Variants in ZFHX3 observed in about 807,000 individuals in gnomAD.
ZFHX3 encodes the protein zinc finger homeobox protein 3.
In ZFHX3, 42 loss-of-function variants were observed where a neutral mutation model predicts 279.1. That is an observed-to-expected ratio of 0.15 (90% CI 0.12 to 0.19). The LOEUF (loss-of-function observed/expected upper bound fraction) is 0.19. Among genes scored for constraint, ZFHX3 ranks in the 10% least tolerant of loss-of-function variants. The pLI, the probability that ZFHX3 is intolerant of heterozygous loss-of-function variation, is 1.00. For synonymous variants in ZFHX3, 2,293 were observed against 1,957.8 expected (o/e 1.17, Z -4.52); for missense variants, 4,981 against 4,754.0 (o/e 1.05, Z -1.40).
At chr16:73,723,739 AC>A (rs2053495649) in intron 1 of ZFHX3, among the ~76,000 whole-genome samples, 1 of 152,194 alleles carries the variant, frequency 6.6e-6, no homozygotes, top group African/African-American at 2.4e-5. Flanking sequence ...GAGTTATATG[AC>A]CCATGAAACA....
chr16:73,013,348 T>C (rs1313159288), intron 1 of ZFHX3, among the ~76,000 whole-genome samples: 14 of 152,136 alleles, frequency 9.2e-5, no homozygotes, highest in Non-Finnish European at 1.9e-4. Flanking sequence ...AGTGCAGTAG[T>C]ACGATGTTGG....
intron 3 of ZFHX3, among the ~76,000 whole-genome samples, chr16:73,321,057 A>G (rs1156906470): frequency 6.6e-6 from 1 of 152,204 alleles, no homozygotes; most frequent in East Asian, 1.9e-4. Context: ...ATGGCAGAAA[A>G]GGGGGAAGGC....
At chr16:73,538,864 T>C (rs1306055259) in intron 2 of ZFHX3, among the ~76,000 whole-genome samples, 1 of 152,140 alleles carries the variant, frequency 6.6e-6, no homozygotes, top group Non-Finnish European at 1.5e-5. Flanking sequence ...CTTGGATAGG[T>C]CAGTGCAAAC....
At chr16:73,258,984 C>G (rs1365257401) in intron 4 of ZFHX3, among the ~76,000 whole-genome samples, 1 of 152,168 alleles carries the variant, frequency 6.6e-6, no homozygotes, top group East Asian at 1.9e-4. Context: ...CTTGTGCAAT[C>G]TGTTTTCTTT....
At chr16:73,699,527 T>C (rs1376384192) in intron 1 of ZFHX3, among the ~76,000 whole-genome samples, 1 of 152,156 alleles carries the variant, frequency 6.6e-6, no homozygotes, top group Non-Finnish European at 1.5e-5. Context: ...TAATTAAAAA[T>C]TTCTGTCAAT....
In ZFHX3 at chr16:72,786,326, A is replaced by ATATC. The variant is rs1043885408; in HGVS notation, c.*834_*837dup. The ATATC allele has an allele frequency of 7.9e-5, 12 of 152,096 alleles. No homozygotes were observed. Among genetic ancestry groups the ATATC allele is most frequent in the Non-Finnish European group, 1.2e-4 (8 of 67,970 alleles). The allele number at this position is 152,096 out of a possible 1,614,324, so 9.4% of individuals were successfully genotyped here. A position where few individuals can be genotyped will look rare whatever the true frequency, so the allele number is the denominator to read the frequency against. On this transcript the variant is annotated 3_prime_UTR_variant, in exon 10 of 10. Coordinates refer to ENST00000268489, the MANE Select transcript of ZFHX3 (RefSeq NM_006885.4). ...AATCTACTCAACACCAAAAATGGTC[A>ATATC]TATCTATCATAAATACAGAAAGTCA...
At chr16:73,207,372 C>T (rs550499336) in intron 5 of ZFHX3, among the ~76,000 whole-genome samples, 18 of 152,280 alleles carry the variant, frequency 1.2e-4, no homozygotes, top group Middle Eastern at 6.8e-3. Context: ...TAGACTGTGG[C>T]GGGGTGTTTA....
intron 3 of ZFHX3, among the ~76,000 whole-genome samples, chr16:73,331,530 C>A (rs1286039417): frequency 6.6e-6 from 1 of 152,176 alleles, no homozygotes; most frequent in Non-Finnish European, 1.5e-5. Context: ...ACCATGCTAT[C>A]TGGTCTGTGC....
chr16:73,192,117 G>A (rs1211422685), intron 5 of ZFHX3, among the ~76,000 whole-genome samples: 1 of 152,022 alleles, frequency 6.6e-6, no homozygotes, highest in African/African-American at 2.4e-5. Context: ...TTCCTCCCTG[G>A]CACTAGCACA....
chr16:73,866,447 G>A (rs894151982), intron 1 of ZFHX3, among the ~76,000 whole-genome samples: 1 of 151,818 alleles, frequency 6.6e-6, no homozygotes, highest in Non-Finnish European at 1.5e-5. Flanking sequence ...ACAGGTATGA[G>A]CCACCACCCC....
At chr16:73,821,266 T>C (rs372988496) in intron 1 of ZFHX3, among the ~76,000 whole-genome samples, 3 of 152,378 alleles carry the variant, frequency 2.0e-5, no homozygotes, top group African/African-American at 7.2e-5. Context: ...GCTGTTGTTC[T>C]TCCCCATGGA....
intron 2 of ZFHX3, among the ~76,000 whole-genome samples, chr16:72,953,298 G>GA (rs11369582): frequency 0.28 from 38,033 of 138,098 alleles, 4,971 homozygotes; most frequent in African/African-American, 0.32. Flanking sequence ...AAAGGAAAAA[G>GA]AAAAAAAAAA....
intron 2 of ZFHX3, among the ~76,000 whole-genome samples, chr16:73,628,563 G>A (rs7205090): frequency 0.038 from 5,813 of 152,118 alleles, 389 homozygotes; most frequent in African/African-American, 0.13. Flanking sequence ...TTACTACCAC[G>A]CTCTGGGCCT....
At position 73,293,088 on chromosome 16, in the gene ZFHX3, C is replaced by T. The variant is rs529074488; in HGVS notation, c.-1194+25152G>A. On this transcript the variant is annotated intron_variant, in intron 4 of 17. Coordinates refer to the ZFHX3 transcript ENST00000641206. ...CTAAAGGTAGAACCACCTTCAAACC[C>T]GGCTGCGATGTGTGTTTTAGACCAA... Among the ~76,000 whole-genome samples the T allele has an allele frequency of 9.9e-5, 15 of 152,258 alleles. No homozygotes were observed. In the South Asian group the frequency reaches 1.5e-3, roughly 15 times the overall value.
intron 3 of ZFHX3, among the ~76,000 whole-genome samples, chr16:73,429,217 A>G (rs1056620179): frequency 1.3e-5 from 2 of 152,198 alleles, no homozygotes; most frequent in Admixed American, 1.3e-4. Context: ...AGAGCAAAGT[A>G]GGTAAAGTAA....
chr16:73,207,210 C>T (rs1466321094), intron 5 of ZFHX3, among the ~76,000 whole-genome samples: 1 of 152,086 alleles, frequency 6.6e-6, no homozygotes, highest in East Asian at 1.9e-4. Flanking sequence ...AAACTTAAAC[C>T]CAGAGGAAAG....
rs536444035 is a variant in ZFHX3 at position 73,560,807 on chromosome 16, C to T, written c.-1546-104549G>A. 4.6e-5 allele frequency among the ~76,000 whole-genome samples: 7 copies of T among 152,310 alleles called. No individual in the cohort carries two copies. The South Asian group carries it at 1.0e-3, about 23-fold the overall frequency. Reference sequence around the variant, plus strand: ...TCCGAAATCTCACTTGTGTGAGTCGCTGCTACTTAATAGCACCTCAGGTCA... The same window carrying T: ...TCCGAAATCTCACTTGTGTGAGTCGTTGCTACTTAATAGCACCTCAGGTCA... On this transcript the variant is annotated intron_variant, in intron 2 of 17. Transcript: ENST00000641206.
chr16:72,804,744 G>A (rs2036210527), intron 7 of ZFHX3, among the ~76,000 whole-genome samples: 1 of 152,132 alleles, frequency 6.6e-6, no homozygotes, highest in South Asian at 2.1e-4. Flanking sequence ...TTTCTTGGTA[G>A]AATCTGGAGT....
At chr16:73,141,925 T>C (rs1966848685) in intron 6 of ZFHX3, among the ~76,000 whole-genome samples, 1 of 152,172 alleles carries the variant, frequency 6.6e-6, no homozygotes, top group African/African-American at 2.4e-5. Context: ...GACCTGTTTA[T>C]TTTCATTCTA....
Sources: gnomAD v4.1 joint callset for allele counts (sites outside exome capture counted in the v4.1 genomes callset) on GRCh38, gnomAD v4.1.1 for gene constraint, MANE v1.5 for transcripts, NCBI Gene and HGNC (gene_info 2026-07-23, HGNC 2026-07-21) for gene names.